PTCD2: variants seen among roughly 807,000 people sequenced by gnomAD.
The protein encoded by PTCD2 is pentatricopeptide repeat domain 2.
A neutral mutation model predicts 42.6 loss-of-function variants in PTCD2; 31 were observed. That is an observed-to-expected ratio of 0.73 (90% CI 0.55 to 0.98). PTCD2 has a LOEUF of 0.98. PTCD2 is among the 50% of genes least tolerant of loss of function. PTCD2 has a pLI of 0.00. For synonymous variants in PTCD2, 183 were observed against 170.9 expected (o/e 1.07, Z -0.55); for missense variants, 476 against 454.8 (o/e 1.05, Z -0.42).
Position 72,365,028 on chromosome 5 carries a change from G to A in PTCD2, c.*6601G>A, listed in dbSNP as rs1220282835. Reference sequence around the variant, plus strand: ...TTGCCCAGCTGACTTTCTTCCAAGGGCCTCAGAGGCAGCATTACCACAGGC... The same window carrying A: ...TTGCCCAGCTGACTTTCTTCCAAGGACCTCAGAGGCAGCATTACCACAGGC... On this transcript the variant is annotated 3_prime_UTR_variant, in exon 10 of 10. Coordinates refer to ENST00000380639, the MANE Select transcript of PTCD2 (RefSeq NM_024754.5). The A allele has an allele frequency of 6.6e-6, 1 of 152,384 alleles. No homozygotes were observed. 9.4% of individuals were successfully genotyped at this position (152,384 alleles called of 1,614,324 possible). A position where few individuals can be genotyped will look rare whatever the true frequency, so the allele number is the denominator to read the frequency against.
At chr5:72,346,743 C>A (rs1752379202) in intron 8 of PTCD2, among the ~76,000 whole-genome samples, 1 of 152,208 alleles carries the variant, frequency 6.6e-6, no homozygotes, top group Non-Finnish European at 1.5e-5. Context: ...TATATAATTG[C>A]TTCTGAGAGA....
intron 7 of PTCD2, among the ~76,000 whole-genome samples, chr5:72,342,352 T>C (rs924691665): frequency 2.0e-5 from 3 of 152,216 alleles, no homozygotes; most frequent in African/African-American, 7.2e-5. Context: ...TATGAGTATG[T>C]CTTGCCTATG....
In PTCD2 at chr5:72,362,227, A is replaced by G. The variant is rs922928965; in HGVS notation, c.*3800A>G. On this transcript the variant is annotated 3_prime_UTR_variant, in exon 10 of 10. Coordinates refer to ENST00000380639, the MANE Select transcript of PTCD2 (RefSeq NM_024754.5). ...ATCCCCAAGGTGTTGGTATTAGATG[A>G]TGTAGCCTTTGGGAAGGAATTAGGG... The G allele has an allele frequency of 2.0e-5, 3 of 152,188 alleles. No individual in the cohort carries two copies. Among genetic ancestry groups the G allele is most frequent in the African/African-American group, 7.2e-5 (3 of 41,446 alleles). The allele number at this position is 152,188 out of a possible 1,614,324, so 9.4% of individuals were successfully genotyped here.
rs1249496786 is a variant in PTCD2, at chr5:72,358,323, T to TG, written c.1064dup (p.Cys355TrpfsTer34). ...CACTGATTCTTTGGATGCTGTGCTCTGCCACACCCCCAGGGACAGGAAATC... is the reference window on the plus strand; with the variant it reads ...CACTGATTCTTTGGATGCTGTGCTCTGGCCACACCCCCAGGGACAGGAAATC... On this transcript the variant is annotated frameshift_variant, in exon 10 of 10. Coordinates refer to ENST00000380639, the MANE Select transcript of PTCD2 (RefSeq NM_024754.5). LOFTEE classifies it low-confidence loss of function (END_TRUNC). 1 of 1,614,090 alleles carries TG rather than the reference T, an allele frequency of 6.2e-7. No homozygotes were observed. Among genetic ancestry groups the TG allele is most frequent in the South Asian group, 1.1e-5 (1 of 91,088 alleles).
At chr5:72,335,735 C>A in intron 5 of PTCD2, 59 bp from the exon 6 acceptor site, 2 of 1,104,198 alleles carry the variant, frequency 1.8e-6, no homozygotes, top group Non-Finnish European at 2.8e-6. Flanking sequence ...CAGATGAGAG[C>A]TTTGGGGGCC....
chr5:72,345,364 T>G (rs1037810060), intron 8 of PTCD2, among the ~76,000 whole-genome samples: 2 of 152,244 alleles, frequency 1.3e-5, no homozygotes, highest in African/African-American at 4.8e-5. Context: ...GGTGCCCACA[T>G]TTCATATTGT....
intron 6 of PTCD2, among the ~76,000 whole-genome samples, chr5:72,337,141 T>C (rs1182737074): frequency 6.6e-6 from 1 of 152,150 alleles, no homozygotes; most frequent in African/African-American, 2.4e-5. Context: ...ATGGTTAGAT[T>C]TGGGAGTCAG....
chr5:72,356,475 A>C (rs1046606243), intron 9 of PTCD2, among the ~76,000 whole-genome samples: 1 of 146,334 alleles, frequency 6.8e-6, no homozygotes, highest in Non-Finnish European at 1.5e-5. Flanking sequence ...GTGAGATTGC[A>C]AGTGGAGTCC....
At chr5:72,325,572 C>T (rs1176360574) in intron 2 of PTCD2, among the ~76,000 whole-genome samples, 1 of 152,176 alleles carries the variant, frequency 6.6e-6, no homozygotes, top group Admixed American at 6.5e-5. Context: ...GAGCCTTTAA[C>T]TGTTACATGG....
At chr5:72,342,120 G>T (rs1161462375) in intron 7 of PTCD2, among the ~76,000 whole-genome samples, 1 of 151,868 alleles carries the variant, frequency 6.6e-6, no homozygotes, top group African/African-American at 2.4e-5. Context: ...GTTTCTTTTA[G>T]ACCGGTCATT....
intron 7 of PTCD2, among the ~76,000 whole-genome samples, chr5:72,340,830 A>G (rs2112182206): frequency 6.6e-6 from 1 of 152,016 alleles, no homozygotes; most frequent in African/African-American, 2.4e-5. Flanking sequence ...TGGAATGTGG[A>G]GAAATCTAAC....
At chr5:72,332,184 C>G (rs1376360091) in intron 4 of PTCD2, among the ~76,000 whole-genome samples, 1 of 152,166 alleles carries the variant, frequency 6.6e-6, no homozygotes, top group Non-Finnish European at 1.5e-5. Flanking sequence ...ACTTACATAA[C>G]AAGTTGAGTT....
At chr5:72,356,529 A>G (rs1752882591) in intron 9 of PTCD2, among the ~76,000 whole-genome samples, 1 of 152,186 alleles carries the variant, frequency 6.6e-6, no homozygotes, top group Non-Finnish European at 1.5e-5. Context: ...TTTAATGCTT[A>G]TGCCAGCAGT....
chr5:72,350,669 C>A (rs978938220), intron 8 of PTCD2, among the ~76,000 whole-genome samples: 1 of 152,164 alleles, frequency 6.6e-6, no homozygotes, highest in African/African-American at 2.4e-5. Context: ...AAATTGGGTT[C>A]TTTGTATTTA....
intron 8 of PTCD2, among the ~76,000 whole-genome samples, chr5:72,348,375 TTAATGC>T (rs1352525540): frequency 6.6e-6 from 1 of 152,236 alleles, no homozygotes; most frequent in African/African-American, 2.4e-5. Flanking sequence ...ACTTTAAAAA[TTAATGC>T]TTTATGCTAA....
At chr5:72,348,623 T>A (rs1752476226) in intron 8 of PTCD2, among the ~76,000 whole-genome samples, 1 of 152,244 alleles carries the variant, frequency 6.6e-6, no homozygotes, top group Non-Finnish European at 1.5e-5. Flanking sequence ...ACATAGACCC[T>A]CTTTAGCAAT....
intron 3 of PTCD2, among the ~76,000 whole-genome samples, chr5:72,328,655 T>C (rs1323249903): frequency 1.3e-5 from 2 of 152,230 alleles, no homozygotes; most frequent in African/African-American, 4.8e-5. Context: ...TTTCATTGTT[T>C]TGGTAGATTT....
At chr5:72,344,684 G>A (rs981592699) in intron 8 of PTCD2, among the ~76,000 whole-genome samples, 16 of 152,080 alleles carry the variant, frequency 1.1e-4, no homozygotes, top group South Asian at 8.3e-4. Flanking sequence ...CCTAAGTGTC[G>A]GCCAGTCTGA....
At chr5:72,333,789 G>A (rs1751567328) in intron 4 of PTCD2, among the ~76,000 whole-genome samples, 1 of 152,176 alleles carries the variant, frequency 6.6e-6, no homozygotes, top group African/African-American at 2.4e-5. Flanking sequence ...GTGAAGTAAT[G>A]CATATGTTAA....
Sources: allele counts gnomAD v4.1 joint callset (sites outside exome capture counted in the v4.1 genomes callset), GRCh38; gene constraint gnomAD v4.1.1; transcripts MANE v1.5; gene names NCBI Gene and HGNC (gene_info 2026-07-23, HGNC 2026-07-21).